The following GPR39 variants were observed in gnomAD, a reference collection of about 807,000 sequenced individuals.
GPR39 encodes the protein zinc sensing receptor.
GPR39 carries 23 observed loss-of-function variants against 18.4 expected under a neutral mutation model. The observed-to-expected ratio is 1.25, with a 90% CI of 0.90 to 1.77. The LOEUF (loss-of-function observed/expected upper bound fraction) is 1.77. GPR39 is among the 40% of genes most tolerant of loss of function. The pLI, the probability that GPR39 is intolerant of heterozygous loss-of-function variation, is 0.00. For synonymous variants in GPR39, 280 were observed against 257.9 expected, an observed-to-expected ratio of 1.09 and a Z score of -0.82; for missense variants, 647 against 602.4, an observed-to-expected ratio of 1.07 and a Z score of -0.78.
chr2:132,454,733 A>T (rs1012980575), intron 1 of GPR39, among the ~76,000 whole-genome samples: 1 of 152,134 alleles, frequency 6.6e-6, no homozygotes, highest in Non-Finnish European at 1.5e-5. Flanking sequence ...GCATCTATTG[A>T]GATAATCATG....
intron 1 of GPR39, among the ~76,000 whole-genome samples, chr2:132,627,694 G>A (rs938412590): frequency 6.6e-6 from 1 of 152,160 alleles, no homozygotes; most frequent in Non-Finnish European, 1.5e-5. Context: ...TGCTGTTTTG[G>A]AAACTGGGTT....
intron 1 of GPR39, among the ~76,000 whole-genome samples, chr2:132,533,448 C>A (rs1457008868): frequency 5.9e-5 from 8 of 134,786 alleles, no homozygotes; most frequent in Non-Finnish European, 9.7e-5. Context: ...TCAATGTCAT[C>A]CCCATCAAGC....
At chr2:132,566,257 T>A (rs1302591989) in intron 1 of GPR39, among the ~76,000 whole-genome samples, 1 of 147,690 alleles carries the variant, frequency 6.8e-6, no homozygotes, top group East Asian at 2.0e-4. Flanking sequence ...TGTTTGTTTT[T>A]TTCTTGTAAA....
At chr2:132,440,934 C>G (rs1163029766) in intron 1 of GPR39, among the ~76,000 whole-genome samples, 1 of 152,122 alleles carries the variant, frequency 6.6e-6, no homozygotes, top group East Asian at 1.9e-4. Context: ...TTCCCTCCAG[C>G]CTACTTGCCT....
At chr2:132,617,047 C>T (rs1277392847) in intron 1 of GPR39, among the ~76,000 whole-genome samples, 1 of 152,130 alleles carries the variant, frequency 6.6e-6, no homozygotes, top group Non-Finnish European at 1.5e-5. Context: ...TTTGTGGATT[C>T]TCTTTCTCTA....
chr2:132,433,782 A>G (rs1680263844), intron 1 of GPR39: 1 of 147,146 alleles, frequency 6.8e-6, no homozygotes, highest in Admixed American at 6.7e-5. Flanking sequence ...AGGCATGACA[A>G]CCTCATACTT....
chr2:132,578,156 C>T (rs904803350), intron 1 of GPR39, among the ~76,000 whole-genome samples: 4 of 148,586 alleles, frequency 2.7e-5, no homozygotes, highest in Admixed American at 6.8e-5. Context: ...TTTTCTTGAG[C>T]TTGTCGATGT....
In GPR39 at chr2:132,552,032, C is replaced by G. The variant is rs1012880640; in HGVS notation, c.857-93069C>G. Among the ~76,000 whole-genome samples, 8 of 152,234 alleles carry G rather than the reference C, an allele frequency of 5.3e-5. 1 individual carries two copies. The South Asian group carries it at 1.2e-3, about 24-fold the overall frequency. ...AGTCACCCCTTTGTAACTGTGGGTT[C>G]CACATCTGTGGATTCAACCAACAGA... is the stretch of plus-strand genomic sequence containing the variant. On this transcript the variant is annotated intron_variant, in intron 1 of 1. Transcript: ENST00000329321.
intron 1 of GPR39, among the ~76,000 whole-genome samples, chr2:132,436,232 C>T (rs1449029655): frequency 6.6e-6 from 1 of 152,170 alleles, no homozygotes; most frequent in Non-Finnish European, 1.5e-5. Context: ...GCCTTCTTCA[C>T]GCACCTGTAA....
chr2:132,631,001 T>G (rs1681641191), intron 1 of GPR39, among the ~76,000 whole-genome samples: 3 of 152,134 alleles, frequency 2.0e-5, no homozygotes, highest in Admixed American at 6.5e-5. Context: ...CTGGCCATAG[T>G]TGTCTACTGA....
intron 1 of GPR39, among the ~76,000 whole-genome samples, chr2:132,478,275 G>A (rs1422641251): frequency 1.3e-5 from 2 of 152,212 alleles, no homozygotes; most frequent in Non-Finnish European, 2.9e-5. Flanking sequence ...AAGAATTGCT[G>A]AATAAATAAA....
At chr2:132,634,832 T>C (rs2104873579) in intron 1 of GPR39, among the ~76,000 whole-genome samples, 1 of 152,342 alleles carries the variant, frequency 6.6e-6, no homozygotes, top group Middle Eastern at 3.4e-3. Flanking sequence ...GTTTTCTGTG[T>C]CCTGTTATAC....
At chr2:132,508,673 G>A (rs142545098) in intron 1 of GPR39, among the ~76,000 whole-genome samples, 3 of 152,194 alleles carry the variant, frequency 2.0e-5, no homozygotes, top group Admixed American at 6.5e-5. Flanking sequence ...ATCAGCTGCC[G>A]TTTAAAGCAG....
At chr2:132,471,419 C>T (rs1322082855) in intron 1 of GPR39, among the ~76,000 whole-genome samples, 2 of 152,124 alleles carry the variant, frequency 1.3e-5, no homozygotes, top group Non-Finnish European at 2.9e-5. Flanking sequence ...TTTACTGTAT[C>T]CACTAGTCGG....
intron 1 of GPR39, chr2:132,433,718 AT>A (rs938421356): frequency 4.7e-5 from 7 of 149,694 alleles, no homozygotes; most frequent in Admixed American, 4.6e-4. Flanking sequence ...TGCAAGAAGT[AT>A]TTTGCAAAAA....
intron 1 of GPR39, among the ~76,000 whole-genome samples, chr2:132,439,203 G>T (rs1449342815): frequency 1.3e-5 from 2 of 152,226 alleles, no homozygotes. Context: ...AATCACAATG[G>T]TGTCAAGCCC....
At chr2:132,481,545 T>A (rs917143152) in intron 1 of GPR39, among the ~76,000 whole-genome samples, 3 of 152,214 alleles carry the variant, frequency 2.0e-5, no homozygotes, top group African/African-American at 7.2e-5. Flanking sequence ...CTGTCACTTA[T>A]GTCAGAAAGA....
chr2:132,607,061 G>A (rs990042718), intron 1 of GPR39, among the ~76,000 whole-genome samples: 2 of 152,184 alleles, frequency 1.3e-5, no homozygotes, highest in Admixed American at 6.5e-5. Context: ...CGTATTGAAA[G>A]GCTGGGGGCG....
chr2:132,635,802 A>AT (rs1233580913), intron 1 of GPR39, among the ~76,000 whole-genome samples: 1 of 152,164 alleles, frequency 6.6e-6, no homozygotes, highest in African/African-American at 2.4e-5. Context: ...AGTTGAGGTC[A>AT]TAAGGGTGGG....
Sources: gnomAD v4.1 joint callset for allele counts (sites outside exome capture counted in the v4.1 genomes callset) on GRCh38, gnomAD v4.1.1 for gene constraint, MANE v1.5 for transcripts, NCBI Gene and HGNC (gene_info 2026-07-23, HGNC 2026-07-21) for gene names.